TBC1D30: variants seen among roughly 807,000 people sequenced by gnomAD.
TBC1D30 encodes TBC1 domain family member 30.
A neutral mutation model predicts 63.2 loss-of-function variants in TBC1D30; 31 were observed. That is an observed-to-expected ratio of 0.49 (90% CI 0.37 to 0.66). TBC1D30 has a LOEUF of 0.66. TBC1D30 is among the 30% of genes least tolerant of loss of function. TBC1D30 has a pLI of 0.00. For missense variants in TBC1D30, 810 were observed against 953.6 expected, an observed-to-expected ratio of 0.85 and a Z score of 1.98; for synonymous variants, 307 against 361.5, an observed-to-expected ratio of 0.85 and a Z score of 1.71.
chr12:64,838,807 A>T lies in TBC1D30; in HGVS notation c.888A>T (p.Glu296Asp), dbSNP rs1262260600. The part of the protein sequence containing the change: ...IWDSVFFEGS[E>D]IILRVSLAIW... The stretch of plus-strand genomic sequence containing the variant: ...ATTCAGTCTTCTTTGAAGGTTCAGA[A>T]ATCATCCTAAGGGTGTCGCTGGCTA... The change falls in exon 7 of 12, where the codon GAA becomes GAT. Residue 296 changes from glutamate (E) to aspartate (D), a missense_variant. Glu to Asp is a conservative substitution (Grantham distance 45, BLOSUM62 2). Transcript: ENST00000539867. 6.5e-7 allele frequency: 1 copy of T among 1,536,028 alleles called. No individual in the cohort carries two copies. Among genetic ancestry groups the T allele is most frequent in the African/African-American group, 1.4e-5 (1 of 73,018 alleles).
rs140086260 is a variant in TBC1D30 at position 64,839,866 on chromosome 12, G to A, written c.932+1015G>A. Among the ~76,000 whole-genome samples, 29 of 152,032 alleles carry A rather than the reference G, an allele frequency of 1.9e-4. No individual in the cohort carries two copies. The East Asian group carries it at 4.8e-3, about 25-fold the overall frequency. On this transcript the variant is annotated intron_variant, in intron 7 of 11. Coordinates refer to ENST00000539867, the MANE Select transcript of TBC1D30 (RefSeq NM_015279.2). ...TAAATATACAAAAAATTAGCTGGGC[G>A]TAGTGGTGGGCACCTGTATTCCCAG...
At chr12:64,824,034 T>C (rs1459106334), upstream of TBC1D30, among the ~76,000 whole-genome samples, 4 of 150,858 alleles carry the variant, frequency 2.7e-5, no homozygotes, top group East Asian at 2.0e-4. Context: ...ATTTTAATGG[T>C]AAATAGTCTA....
intron 8 of TBC1D30, among the ~76,000 whole-genome samples, chr12:64,845,999 A>G (rs1055684556): frequency 6.6e-6 from 1 of 151,942 alleles, no homozygotes; most frequent in Non-Finnish European, 1.5e-5. Flanking sequence ...CGTCATTTGT[A>G]TATCTTCTTT....
At chr12:64,826,908 A>G (rs964032001) in intron 1 of TBC1D30, among the ~76,000 whole-genome samples, 1 of 152,102 alleles carries the variant, frequency 6.6e-6, no homozygotes, top group Admixed American at 6.5e-5. Context: ...GACTCCGTGT[A>G]TATATATATT....
At chr12:64,859,766 AG>A (rs917448051) in intron 8 of TBC1D30, among the ~76,000 whole-genome samples, 5 of 152,016 alleles carry the variant, frequency 3.3e-5, no homozygotes, top group African/African-American at 1.2e-4. Flanking sequence ...GACCTATCCA[AG>A]GTGTTCCTGC....
chr12:64,818,980 A>G (rs1328967313), intron 2 of TBC1D30, among the ~76,000 whole-genome samples: 1 of 152,208 alleles, frequency 6.6e-6, no homozygotes, highest in Non-Finnish European at 1.5e-5. Flanking sequence ...GACAAGAAGA[A>G]TACGATGAGA....
chr12:64,830,510 C>G lies in TBC1D30; in HGVS notation c.408+8C>G. The G allele has an allele frequency of 6.6e-7, 1 of 1,520,770 alleles. No homozygotes were observed. The highest frequency in any genetic ancestry group is 8.8e-7 in the Non-Finnish European group (1 of 1,135,900). The allele number at this position is 1,520,770 out of a possible 1,614,324, so 94.2% of individuals were successfully genotyped here. A position where few individuals can be genotyped will look rare whatever the true frequency, so the allele number is the denominator to read the frequency against. ...GGAATTCAGATAGTCAAGGTAATGC[C>G]CCTGAACTTGGCCTGTCATCCTAAT... On this transcript the variant is annotated splice_region_variant and intron_variant, in intron 4 of 11. Transcript: ENST00000539867.
chr12:64,785,184 T>C (rs891626424), intron 1 of TBC1D30, among the ~76,000 whole-genome samples: 3 of 150,072 alleles, frequency 2.0e-5, no homozygotes, highest in Non-Finnish European at 4.4e-5. Context: ...GGAGTTTCGC[T>C]CTTGTTGCCC....
At chr12:64,772,491 G>T (rs1436812300) in intron 1 of TBC1D30, among the ~76,000 whole-genome samples, 1 of 151,830 alleles carries the variant, frequency 6.6e-6, no homozygotes, top group Non-Finnish European at 1.5e-5. Context: ...GTGCAGTGGC[G>T]CAATCTCGGC....
At chr12:64,761,227 A>G (rs1177540293) in intron 1 of TBC1D30, among the ~76,000 whole-genome samples, 1 of 152,222 alleles carries the variant, frequency 6.6e-6, no homozygotes, top group African/African-American at 2.4e-5. Context: ...TTTCATCTGT[A>G]TCGAAGCCCC....
chr12:64,780,770 G>A (rs1871225835), exon 1 of TBC1D30: 1 of 988,250 alleles, frequency 1.0e-6, no homozygotes, highest in Non-Finnish European at 1.2e-6. Flanking sequence ...CGCGAGGCGG[G>A]AGGAGCAGCG....
chr12:64,782,915 ACACT>A (rs1024892566), intron 1 of TBC1D30, among the ~76,000 whole-genome samples: 7 of 152,182 alleles, frequency 4.6e-5, no homozygotes, highest in African/African-American at 7.2e-5. Context: ...ACACATACAC[ACACT>A]AACATGCTCC....
At chr12:64,808,874 C>T (rs536134972) in intron 2 of TBC1D30, among the ~76,000 whole-genome samples, 1 of 152,168 alleles carries the variant, frequency 6.6e-6, no homozygotes, top group Admixed American at 6.5e-5. Context: ...TATATCCATG[C>T]TACAACATGG....
Position 64,870,710 on chromosome 12 carries a change from T to C in TBC1D30, c.1400T>C (p.Met467Thr). 1 of 1,536,108 alleles carries C rather than the reference T, an allele frequency of 6.5e-7. No homozygotes were observed. The highest frequency in any genetic ancestry group is 8.7e-7 in the Non-Finnish European group (1 of 1,146,892). Residue 467 changes from methionine to threonine, a missense_variant, in exon 11 of 12, where the codon ATG becomes ACG. Around this residue, in one of 4 missense-constraint regions of TBC1D30, gnomAD observed 450 missense variants for 473.0 expected, o/e 0.95. Coordinates refer to ENST00000539867, the MANE Select transcript of TBC1D30 (RefSeq NM_015279.2). The part of the protein sequence containing the change: ...EYHAAFNSMM[M>T]ERMTTDINAL... ...CATGCAGCTTTTAACAGTATGATGA[T>C]GGAACGCATGACCACAGATATCAAT...
chr12:64,836,382 G>C (rs1875353394), intron 5 of TBC1D30, 108 bp from the exon 6 acceptor site: 3 of 836,994 alleles, frequency 3.6e-6, no homozygotes, highest in Admixed American at 2.7e-5. Flanking sequence ...AGGATAGCGT[G>C]CTTTGGCTAA....
At chr12:64,814,739 C>G (rs983460140) in intron 2 of TBC1D30, among the ~76,000 whole-genome samples, 1 of 152,166 alleles carries the variant, frequency 6.6e-6, no homozygotes, top group Non-Finnish European at 1.5e-5. Context: ...CACGCTTATA[C>G]TGTTTCTAAA....
At chr12:64,802,510 T>G (rs1872636925) in intron 2 of TBC1D30, among the ~76,000 whole-genome samples, 1 of 152,120 alleles carries the variant, frequency 6.6e-6, no homozygotes, top group African/African-American at 2.4e-5. Flanking sequence ...TTCTTTTTAT[T>G]ATTATACTTT....
At chr12:64,818,378 T>A (rs1335311858) in intron 2 of TBC1D30, 6 of 979,544 alleles carry the variant, frequency 6.1e-6, no homozygotes, top group Non-Finnish European at 7.3e-6. Context: ...ACATAGTATT[T>A]TAAAGGACCT....
At position 64,838,576 on chromosome 12, in the gene TBC1D30, C is replaced by G. The variant is rs1875570208; in HGVS notation, c.764-107C>G. The G allele has an allele frequency of 3.6e-6, 4 of 1,106,452 alleles. No individual in the cohort carries two copies. In the East Asian group the frequency reaches 1.1e-4, roughly 29 times the overall value. The allele number at this position is 1,106,452 out of a possible 1,614,324, so 68.5% of individuals were successfully genotyped here. ...AGTTTAGAAATATGAAGAAATCAGT[C>G]AGGAAATACAACAAATTTGAGTGGA... On this transcript the variant is annotated intron_variant, in intron 6 of 11. Transcript: ENST00000539867.
Sources: allele counts gnomAD v4.1 joint callset (sites outside exome capture counted in the v4.1 genomes callset), GRCh38; gene constraint gnomAD v4.1.1; regional missense constraint gnomAD v4.1.1; transcripts MANE v1.5; gene names NCBI Gene and HGNC (gene_info 2026-07-23, HGNC 2026-07-21).